Variants in APLF observed in about 807,000 individuals in gnomAD.
The protein encoded by APLF is aprataxin and PNKP like factor, also known as aprataxin and PNK-like factor.
A neutral mutation model predicts 55.6 loss-of-function variants in APLF; 61 were observed. The ratio of observed to expected loss-of-function variants is 1.10; its 90% CI spans 0.89 to 1.36. The LOEUF (loss-of-function observed/expected upper bound fraction) is 1.36, where lower values mean the gene tolerates loss of function less well. Ranked by LOEUF, APLF falls within the 40% of genes most tolerant of loss-of-function variation. The probability of loss-of-function intolerance (pLI) is 0.00; values close to 1 mark genes in which losing one functional copy is unlikely to be tolerated. For synonymous variants in APLF, 207 were observed against 214.8 expected (o/e 0.96, Z 0.32); for missense variants, 611 against 602.5 (o/e 1.01, Z -0.15).
chr2:68,563,281 CT>C, intron 8 of APLF: 1 of 984,882 alleles, frequency 1.0e-6, no homozygotes, highest in African/African-American at 1.7e-5. Context: ...ATTTTTTCCC[CT>C]TTTTAAAATA....
chr2:68,513,334 A>T (rs892208601), intron 4 of APLF, 107 bp downstream of exon 4: 1 of 1,358,540 alleles, frequency 7.4e-7, no homozygotes, highest in African/African-American at 1.5e-5. Flanking sequence ...GCCAGCATTT[A>T]TCTACTTTTG....
intron 5 of APLF, among the ~76,000 whole-genome samples, chr2:68,519,162 C>T (rs1044935704): frequency 7.7e-6 from 1 of 130,278 alleles, no homozygotes; most frequent in African/African-American, 2.9e-5. Flanking sequence ...AAGACTTGAC[C>T]AAAAATTGGA....
At chr2:68,518,410 TA>T (rs1303764912) in intron 5 of APLF, among the ~76,000 whole-genome samples, 1 of 109,406 alleles carries the variant, frequency 9.1e-6, no homozygotes, top group Non-Finnish European at 1.7e-5. Flanking sequence ...CAATATATTA[TA>T]TATTATATAA....
intron 2 of APLF, among the ~76,000 whole-genome samples, chr2:68,493,668 A>C (rs974166860): frequency 1.3e-5 from 2 of 152,232 alleles, no homozygotes; most frequent in African/African-American, 4.8e-5. Flanking sequence ...TAATTTATAA[A>C]GAAAAAAGAT....
Position 68,478,224 on chromosome 2 carries a change from GAT to G in APLF, c.96+10398_96+10399del, listed in dbSNP as rs111620925. The stretch of plus-strand genomic sequence containing the variant: ...GTTGAATTCCTTGATATATACAGTA[GAT>G]TAAGGTCTGCAGCTGTGTTGCCTGC... On this transcript the variant is annotated intron_variant, in intron 1 of 9. Transcript: ENST00000303795. Among the ~76,000 whole-genome samples the G allele has an allele frequency of 2.5e-3, 372 of 151,822 alleles. 2 individuals carry two copies. The highest frequency in any genetic ancestry group is 8.4e-3 in the African/African-American group (350 of 41,472).
chr2:68,544,674 T>C (rs989716367), intron 7 of APLF, among the ~76,000 whole-genome samples: 1 of 151,892 alleles, frequency 6.6e-6, no homozygotes, highest in African/African-American at 2.4e-5. Flanking sequence ...AGTGTAAGAG[T>C]CTTGAGACCG....
intron 2 of APLF, among the ~76,000 whole-genome samples, chr2:68,493,545 A>G (rs1223588583): frequency 2.0e-5 from 3 of 152,246 alleles, no homozygotes; most frequent in African/African-American, 4.8e-5. Context: ...TTATCAAAAG[A>G]CACTATAATG....
intron 8 of APLF, among the ~76,000 whole-genome samples, chr2:68,566,575 A>G (rs1326395447): frequency 1.3e-5 from 2 of 152,120 alleles, no homozygotes; most frequent in African/African-American, 4.8e-5. Flanking sequence ...CTCAGCACAT[A>G]TCTGTTGTTA....
intron 1 of APLF, among the ~76,000 whole-genome samples, chr2:68,470,136 A>T (rs1435630499): frequency 6.6e-6 from 1 of 152,220 alleles, no homozygotes; most frequent in African/African-American, 2.4e-5. Context: ...CTGCTCCATG[A>T]TTGGCATCAG....
At position 68,531,338 on chromosome 2, in the gene APLF, CCT is replaced by C. The variant is rs552105153; in HGVS notation, c.804+5097_804+5098del. 306 of 152,290 alleles carry C rather than the reference CCT, an allele frequency of 2.0e-3. 2 individuals carry two copies. Among genetic ancestry groups the C allele is most frequent in the African/African-American group, 6.7e-3 (278 of 41,526 alleles). 9.4% of individuals were successfully genotyped at this position (152,290 alleles called of 1,614,324 possible). On this transcript the variant is annotated intron_variant, in intron 6 of 9. Coordinates refer to ENST00000303795, the MANE Select transcript of APLF (RefSeq NM_173545.3). ...GTCCCATGGCTGAGCTCTGTGGATC[CCT>C]GTCTTAGTCTCAGGTAAAACCAAAG...
At chr2:68,540,767 C>T (rs1412423534) in intron 7 of APLF, among the ~76,000 whole-genome samples, 1 of 150,188 alleles carries the variant, frequency 6.7e-6, no homozygotes, top group African/African-American at 2.5e-5. Context: ...GGTGTATGTG[C>T]ATGCGTGTGT....
At chr2:68,478,799 C>T (rs1675863163) in intron 1 of APLF, among the ~76,000 whole-genome samples, 1 of 152,200 alleles carries the variant, frequency 6.6e-6, no homozygotes. Flanking sequence ...GAAAGGATAG[C>T]CAGTTCTACT....
chr2:68,575,092 A>G (rs897176203), intron 9 of APLF, among the ~76,000 whole-genome samples: 1 of 152,180 alleles, frequency 6.6e-6, no homozygotes, highest in African/African-American at 2.4e-5. Flanking sequence ...AATTAGAAGA[A>G]AAATAAGCTG....
intron 3 of APLF, among the ~76,000 whole-genome samples, chr2:68,512,561 G>T (rs959002529): frequency 6.6e-6 from 1 of 151,794 alleles, no homozygotes; most frequent in Admixed American, 6.6e-5. Flanking sequence ...TGTGACCATG[G>T]ATGTTCCTGT....
intron 8 of APLF, among the ~76,000 whole-genome samples, chr2:68,563,760 T>C (rs1047964188): frequency 2.0e-5 from 3 of 152,076 alleles, no homozygotes; most frequent in Admixed American, 2.0e-4. Context: ...TATTCAACTT[T>C]TCAATGATCC....
At chr2:68,510,852 T>A (rs1677027847) in intron 3 of APLF, among the ~76,000 whole-genome samples, 1 of 151,818 alleles carries the variant, frequency 6.6e-6, no homozygotes. Context: ...TAAAGAGGAA[T>A]GAAATATTTA....
chr2:68,522,748 A>T (rs928104094), intron 5 of APLF, among the ~76,000 whole-genome samples: 3 of 151,946 alleles, frequency 2.0e-5, no homozygotes, highest in Non-Finnish European at 2.9e-5. Flanking sequence ...GTTCAAACTG[A>T]TGGAGAAAGG....
chr2:68,490,016 C>T (rs1438502836), intron 1 of APLF, among the ~76,000 whole-genome samples, 174 bp from the exon 2 acceptor site: 1 of 151,906 alleles, frequency 6.6e-6, no homozygotes, highest in African/African-American at 2.4e-5. Flanking sequence ...TTTTTAATCT[C>T]ATTATTTGTT....
At chr2:68,569,579 C>T (rs1462906476) in intron 9 of APLF, among the ~76,000 whole-genome samples, 2 of 152,036 alleles carry the variant, frequency 1.3e-5, no homozygotes. Context: ...ACAGCCAGAC[C>T]AAAGACATGG....
Sources: allele counts gnomAD v4.1 joint callset (sites outside exome capture counted in the v4.1 genomes callset), GRCh38; gene constraint gnomAD v4.1.1; transcripts MANE v1.5; gene names NCBI Gene and HGNC (gene_info 2026-07-23, HGNC 2026-07-21).